DOP1B: variants seen among roughly 807,000 people sequenced by gnomAD.
DOP1B encodes the protein DOP1 leucine zipper like protein B.
In DOP1B, 174 loss-of-function variants were observed where a neutral mutation model predicts 233.5. The ratio of observed to expected loss-of-function variants is 0.75; its 90% CI spans 0.66 to 0.85. The LOEUF (loss-of-function observed/expected upper bound fraction) is 0.85, where lower values mean the gene tolerates loss of function less well. DOP1B is among the 40% of genes least tolerant of loss of function. The pLI is 0.00. For missense variants in DOP1B, 2,652 were observed against 2,846.6 expected, an observed-to-expected ratio of 0.93 and a Z score of 1.56; for synonymous variants, 1,190 against 1,185.6, an observed-to-expected ratio of 1.00 and a Z score of -0.08.
chr21:36,206,568 G>A (rs2066428001), intron 4 of DOP1B, among the ~76,000 whole-genome samples: 1 of 151,928 alleles, frequency 6.6e-6, no homozygotes, highest in Non-Finnish European at 1.5e-5. Flanking sequence ...TAGAAAGCTA[G>A]TAGCCAGTTT....
chr21:36,232,272 C>T (rs900871024), intron 14 of DOP1B, among the ~76,000 whole-genome samples: 1 of 152,088 alleles, frequency 6.6e-6, no homozygotes, highest in African/African-American at 2.4e-5. Flanking sequence ...CATGAGCCAC[C>T]GTGCCTGGCC....
At chr21:36,267,322 C>T (rs74403090) in intron 26 of DOP1B, among the ~76,000 whole-genome samples, 4,182 of 152,260 alleles carry the variant, frequency 0.027, 85 homozygotes, top group Non-Finnish European at 0.039. Context: ...AGGAAGAACC[C>T]GTGGTCCTAG....
rs111453367 is a variant in DOP1B at position 36,250,936 on chromosome 21, C to G, written c.4999-226C>G. Among the ~76,000 whole-genome samples, 886 of 152,308 alleles carry G rather than the reference C, an allele frequency of 5.8e-3. 8 individuals carry two copies. Among genetic ancestry groups the G allele is most frequent in the African/African-American group, 0.02 (830 of 41,570 alleles). On this transcript the variant is annotated intron_variant, in intron 21 of 36. Coordinates refer to ENST00000691173, the MANE Select transcript of DOP1B (RefSeq NM_001320714.2). ...CACCTTGGCTGCTCACTGCCCCTTC[C>G]CCCCGCCGGCATGACACGCCAACAT...
At chr21:36,206,619 C>T (rs1225770213) in intron 4 of DOP1B, among the ~76,000 whole-genome samples, 2 of 152,020 alleles carry the variant, frequency 1.3e-5, no homozygotes, top group African/African-American at 2.4e-5. Context: ...GTTTCCCATA[C>T]TTTTTGAGGG....
Position 36,167,929 on chromosome 21 carries a change from CTTTTCTTTTTCTTT to C in DOP1B, c.138+3063_138+3076del, listed in dbSNP as rs1243766085. The stretch of plus-strand genomic sequence containing the variant: ...GGTAAGTCACATTTTCTTTTCTTTT[CTTTTCTTTTTCTTT>C]TTTTTTTTTTTTTTTTTCGAGATGG... On this transcript the variant is annotated intron_variant, in intron 2 of 36. Transcript: ENST00000691173. Among the ~76,000 whole-genome samples the C allele has an allele frequency of 2.4e-4, 23 of 97,312 alleles. 2 individuals carry two copies. The highest frequency in any genetic ancestry group is 3.7e-4 in the Non-Finnish European group (18 of 49,160). The allele number at this position is 97,312 out of a possible 152,430, so 63.8% of individuals were successfully genotyped here. A position where few individuals can be genotyped will look rare whatever the true frequency, so the allele number is the denominator to read the frequency against.
At chr21:36,168,949 G>C (rs1464047127) in intron 2 of DOP1B, 1 of 678,992 alleles carries the variant, frequency 1.5e-6, no homozygotes, top group African/African-American at 1.8e-5. Context: ...ACCCCACCAG[G>C]TGCAAAACCT....
At chr21:36,236,044 GC>G (rs1181815066) in intron 15 of DOP1B, among the ~76,000 whole-genome samples, 1 of 152,148 alleles carries the variant, frequency 6.6e-6, no homozygotes, top group Non-Finnish European at 1.5e-5. Flanking sequence ...AAATAAATGG[GC>G]CAAAGAAGTT....
chr21:36,269,422 T>G (rs1014492406), intron 26 of DOP1B, among the ~76,000 whole-genome samples: 12 of 152,170 alleles, frequency 7.9e-5, no homozygotes, highest in Non-Finnish European at 1.5e-4. Flanking sequence ...CCCAAAATGC[T>G]GAGATTATAG....
chr21:36,209,771 C>G (rs1296319410), intron 5 of DOP1B, among the ~76,000 whole-genome samples: 1 of 152,162 alleles, frequency 6.6e-6, no homozygotes, highest in Non-Finnish European at 1.5e-5. Context: ...TGTCTCTTTT[C>G]CCCAAACCTG....
intron 21 of DOP1B, among the ~76,000 whole-genome samples, chr21:36,250,351 G>C (rs982100380): frequency 2.0e-5 from 3 of 152,212 alleles, no homozygotes; most frequent in African/African-American, 7.2e-5. Flanking sequence ...CGGTGGACAA[G>C]AGAGATGAAG....
chr21:36,268,163 A>G (rs2067251325), intron 26 of DOP1B, among the ~76,000 whole-genome samples: 1 of 152,118 alleles, frequency 6.6e-6, no homozygotes, highest in East Asian at 1.9e-4. Context: ...ACCAGGGCGT[A>G]TCTCAGTCCT....
At chr21:36,172,504 G>A (rs933790071) in intron 2 of DOP1B, among the ~76,000 whole-genome samples, 3 of 152,334 alleles carry the variant, frequency 2.0e-5, no homozygotes, top group Non-Finnish European at 2.9e-5. Flanking sequence ...ATGCATGCCT[G>A]TAATCCTAGC....
chr21:36,158,203 C>T (rs2242807), intron 1 of DOP1B, among the ~76,000 whole-genome samples: 119,392 of 152,156 alleles, frequency 0.78, 46,875 homozygotes, highest in East Asian at 0.83. Context: ...TGTGTGATTA[C>T]TTCTTTCTGT....
At chr21:36,229,888 C>G (rs965207857) in intron 13 of DOP1B, among the ~76,000 whole-genome samples, 11 of 151,988 alleles carry the variant, frequency 7.2e-5, no homozygotes, top group Admixed American at 6.6e-4. Flanking sequence ...GTCTTGAGCT[C>G]CTGACCTCAG....
At chr21:36,226,346 G>A (rs913752710) in intron 12 of DOP1B, among the ~76,000 whole-genome samples, 1 of 151,376 alleles carries the variant, frequency 6.6e-6, no homozygotes, top group African/African-American at 2.4e-5. Context: ...TGTCCAGGCT[G>A]GAGTGCAATG....
At chr21:36,157,623 G>A (rs1168159397) in intron 1 of DOP1B, among the ~76,000 whole-genome samples, 2 of 152,200 alleles carry the variant, frequency 1.3e-5, no homozygotes, top group Non-Finnish European at 2.9e-5. Context: ...CGTCCCCCCG[G>A]CCCCACAAGT....
chr21:36,176,087 G>GGTGTGTGTGCGTGTGCGTATGTGTGT (rs1555886127), intron 2 of DOP1B, among the ~76,000 whole-genome samples: 6 of 96,572 alleles, frequency 6.2e-5, no homozygotes, highest in East Asian at 2.9e-4. Context: ...TCGACTTTGG[G>GGTGTGTGTGCGTGTGCGTATGTGTGT]GTGTGTGTGC....
Position 36,293,672 on chromosome 21 carries a change from G to A in DOP1B, c.*101G>A. On this transcript the variant is annotated 3_prime_UTR_variant, in exon 37 of 37. Transcript: ENST00000691173. Reference sequence around the variant, plus strand: ...AAGGCAGGATAGTGCTTTTGAACAAGCCTATTTCCATTTTGAAAGTAGATT... The same window carrying A: ...AAGGCAGGATAGTGCTTTTGAACAAACCTATTTCCATTTTGAAAGTAGATT... 1 of 1,349,728 alleles carries A rather than the reference G, an allele frequency of 7.4e-7. No individual in the cohort carries two copies. The highest frequency in any genetic ancestry group is 1.0e-6 in the Non-Finnish European group (1 of 976,030). 83.6% of individuals were successfully genotyped at this position (1,349,728 alleles called of 1,614,324 possible). A position where few individuals can be genotyped will look rare whatever the true frequency, so the allele number is the denominator to read the frequency against.
chr21:36,177,998 G>C (rs2835298), intron 2 of DOP1B, among the ~76,000 whole-genome samples: 1 of 152,044 alleles, frequency 6.6e-6, no homozygotes, highest in Non-Finnish European at 1.5e-5. Flanking sequence ...AAGAAAGTTA[G>C]GAGCTAGAAA....
Sources: gnomAD v4.1 joint callset for allele counts (sites outside exome capture counted in the v4.1 genomes callset) on GRCh38, gnomAD v4.1.1 for gene constraint, MANE v1.5 for transcripts, NCBI Gene and HGNC (gene_info 2026-07-23, HGNC 2026-07-21) for gene names.